Variants in GAA observed in about 807,000 individuals in gnomAD.
The protein encoded by GAA is alpha glucosidase.
A neutral mutation model predicts 103.9 loss-of-function variants in GAA; 88 were observed. The ratio of observed to expected loss-of-function variants is 0.85; its 90% CI spans 0.71 to 1.01. GAA has a LOEUF of 1.01. GAA is among the 50% of genes least tolerant of loss of function. The pLI, the probability that GAA is intolerant of heterozygous loss-of-function variation, is 0.00. For missense variants in GAA, 1,350 were observed against 1,305.3 expected (o/e 1.03, Z -0.53); for synonymous variants, 572 against 563.1 (o/e 1.02, Z -0.22).
At chr17:80,113,890 C>T (rs376814563) in intron 15 of GAA, among the ~76,000 whole-genome samples, 37 of 151,126 alleles carry the variant, frequency 2.4e-4, no homozygotes, top group Middle Eastern at 3.4e-3. Context: ...TGGTGGTGGG[C>T]GCCTGTAGTC....
intron 3 of GAA, among the ~76,000 whole-genome samples, chr17:80,107,349 TA>T (rs1180545825): frequency 1.3e-5 from 2 of 152,152 alleles, no homozygotes; most frequent in Non-Finnish European, 2.9e-5. Flanking sequence ...CCTCTTCTGA[TA>T]TGCCCTGAGA....
At chr17:80,116,162 C>T (rs1373697634) in intron 15 of GAA, among the ~76,000 whole-genome samples, 1 of 152,194 alleles carries the variant, frequency 6.6e-6, no homozygotes, top group Non-Finnish European at 1.5e-5. Context: ...AGCAGAAAGA[C>T]ACCATTTATT....
At chr17:80,118,103 G>T (rs1273666359) in intron 17 of GAA, 90 bp from the exon 18 acceptor site, 1 of 1,448,700 alleles carries the variant, frequency 6.9e-7, no homozygotes, top group Non-Finnish European at 9.5e-7. Context: ...TGGCAGCCTG[G>T]TGCTGTACCA....
At position 80,119,280 on chromosome 17, in the gene GAA, C is replaced by T. The variant is rs1800316; in HGVS notation, c.2808C>T (p.Asp936=). Reference sequence around the variant, plus strand: ...TGCTCTCTCTTTTCCAGGTCCTGGACATCTGTGTCTCGCTGTTGATGGGAG... The same window carrying T: ...TGCTCTCTCTTTTCCAGGTCCTGGATATCTGTGTCTCGCTGTTGATGGGAG... ...FTYSPDTKVL[D]ICVSLLMGEQ... Residue 936 remains aspartate, a synonymous_variant, in exon 20 of 20, where the codon GAC becomes GAT. Transcript: ENST00000302262. 1 of 1,613,922 alleles carries T rather than the reference C, an allele frequency of 6.2e-7. No homozygotes were observed. Among genetic ancestry groups the T allele is most frequent in the African/African-American group, 1.3e-5 (1 of 74,906 alleles).
rs550609502 is a variant in GAA at position 80,104,717 on chromosome 17, G to T, written c.131G>T (p.Gly44Val). The T allele has an allele frequency of 2.0e-4, 325 of 1,612,394 alleles. No homozygotes were observed. The highest frequency in any genetic ancestry group is 2.6e-4 in the Non-Finnish European group (306 of 1,179,778). ...CTGCTGGTTCCCCGAGAGCTGAGTG[G>T]CTCCTCCCCAGTCCTGGAGGAGACT... Reference protein sequence around the residue: ...DFLLVPRELSGSSPVLEETHP... With the variant: ...DFLLVPRELSVSSPVLEETHP... Residue 44 changes from glycine (G) to valine (V), a missense_variant, in exon 2 of 20, where the codon GGC becomes GTC. By Grantham distance (109) the Gly-to-Val change is moderately radical. Transcript: ENST00000302262. The surrounding 1 kb of genome is among the most constrained non-coding windows in gnomAD (Gnocchi z 4.0).
rs376743567 is a variant in GAA, at chr17:80,118,837, G to A, written c.2799+32G>A. On this transcript the variant is annotated intron_variant, in intron 19 of 19. Transcript: ENST00000302262. ...GGGCCCAGAGTGGCACAGGGATCGC[G>A]TCCCCCAGCCGTGGTGCAGGGGGCA... 3.0e-5 allele frequency: 48 copies of A among 1,610,788 alleles called. No individual in the cohort carries two copies. In the Middle Eastern group the frequency reaches 6.6e-4, roughly 22 times the overall value.
intron 3 of GAA, among the ~76,000 whole-genome samples, chr17:80,106,259 C>T (rs374083248): frequency 3.2e-4 from 48 of 152,286 alleles, no homozygotes; most frequent in African/African-American, 1.1e-3. Context: ...ACTGACCCTC[C>T]GTGCCGGGTG....
chr17:80,110,387 G>C (rs1052313853), intron 9 of GAA, among the ~76,000 whole-genome samples: 3 of 152,202 alleles, frequency 2.0e-5, no homozygotes, highest in Non-Finnish European at 4.4e-5. Flanking sequence ...AGCAGCTAGG[G>C]AGGGTCTGGT....
At chr17:80,105,155 C>T (rs771677375) in intron 2 of GAA, 23 bp downstream of exon 2, 16 of 1,591,154 alleles carry the variant, frequency 1.0e-5, no homozygotes, top group African/African-American at 1.3e-5. Context: ...GGGGCGGGGG[C>T]GGCGGCCAGG....
intron 6 of GAA, 23 bp downstream of exon 6, chr17:80,108,432 G>T (rs748030362): frequency 6.2e-7 from 1 of 1,613,054 alleles, no homozygotes; most frequent in South Asian, 1.1e-5. Context: ...CCCTGGCCGC[G>T]GCCCCCGCCC....
rs1240861466 is a variant in GAA, at chr17:80,112,054, A to T, written c.1708A>T (p.Asn570Tyr). 6.2e-7 allele frequency: 1 copy of T among 1,614,038 alleles called. No homozygotes were observed. The highest frequency in any genetic ancestry group is 1.7e-5 in the Admixed American group (1 of 60,024). ...CCACCAGTTTCTCTCCACACACTAC[A>T]ACCTGCACAACCTCTACGGCCTGAC... Reference protein sequence around the residue: ...SSHQFLSTHYNLHNLYGLTEA... With the variant: ...SSHQFLSTHYYLHNLYGLTEA... The change falls in exon 12 of 20, where the codon AAC (asparagine) becomes TAC (tyrosine). Residue 570 changes from asparagine to tyrosine, a missense_variant. Physicochemically the swap from Asn to Tyr is moderately radical, Grantham distance 143. Coordinates refer to ENST00000302262, the MANE Select transcript of GAA (RefSeq NM_000152.5).
At chr17:80,108,951 T>G (rs1416016755) in intron 8 of GAA, 123 bp downstream of exon 8, 2 of 1,279,822 alleles carry the variant, frequency 1.6e-6, no homozygotes, top group African/African-American at 3.0e-5. Flanking sequence ...AGGGTCTTTG[T>G]GATATCGAGG....
Position 80,118,191 on chromosome 17 carries a change from A to G in GAA, c.2482-2A>G, listed in dbSNP as rs756671283. ...TGACATCACGTGTCCTTCCCTTTCCAGGGCCCTGGCCTCACAACCACAGAG... is the reference window on the plus strand; with the variant it reads ...TGACATCACGTGTCCTTCCCTTTCCGGGGCCCTGGCCTCACAACCACAGAG... On this transcript the variant is annotated splice_acceptor_variant, in intron 17 of 19. Coordinates refer to ENST00000302262, the MANE Select transcript of GAA (RefSeq NM_000152.5). LOFTEE classifies it high-confidence loss of function. The G allele has an allele frequency of 1.9e-6, 3 of 1,612,772 alleles. No individual in the cohort carries two copies. Among genetic ancestry groups the G allele is most frequent in the South Asian group, 1.1e-5 (1 of 91,016 alleles).
rs376547092 is a variant in GAA at position 80,108,423 on chromosome 17, C to T, written c.1075+14C>T. On this transcript the variant is annotated intron_variant, in intron 6 of 19. Transcript: ENST00000302262. ...TGGACGTTGTGGGTAGGGCCTGCTCCCTGGCCGCGGCCCCCGCCCCAAGGC... is the reference window on the plus strand; with the variant it reads ...TGGACGTTGTGGGTAGGGCCTGCTCTCTGGCCGCGGCCCCCGCCCCAAGGC... 1 of 1,613,232 alleles carries T rather than the reference C, an allele frequency of 6.2e-7. No homozygotes were observed. Among genetic ancestry groups the T allele is most frequent in the African/African-American group, 1.3e-5 (1 of 75,056 alleles).
chr17:80,105,641 A>T, intron 2 of GAA, 108 bp from the exon 3 acceptor site: 2 of 1,330,552 alleles, frequency 1.5e-6, no homozygotes, highest in South Asian at 2.4e-5. Context: ...CCATGGTCCC[A>T]CATCCATGTG....
At position 80,104,516 on chromosome 17, in the gene GAA, CT is replaced by C. The variant is rs1408611020; in HGVS notation, c.-32-38del. On this transcript the variant is annotated intron_variant, in intron 1 of 19. Transcript: ENST00000302262. The surrounding 1 kb of genome is among the most constrained non-coding windows in gnomAD (Gnocchi z 4.0). Reference sequence around the variant, plus strand: ...TTTGAGAGCCCCGTGAGTGCCGCCCCTCCCGCCTCCCTGCTGAGCCCGCTTT... The same window carrying C: ...TTTGAGAGCCCCGTGAGTGCCGCCCCCCCGCCTCCCTGCTGAGCCCGCTTT... 5 of 1,464,478 alleles carry C rather than the reference CT, an allele frequency of 3.4e-6. No individual in the cohort carries two copies. The African/African-American group carries it at 6.9e-5, about 20-fold the overall frequency. 90.7% of individuals were successfully genotyped at this position (1,464,478 alleles called of 1,614,324 possible).
chr17:80,110,493 AC>A (rs772808418), intron 9 of GAA, among the ~76,000 whole-genome samples: 29 of 152,158 alleles, frequency 1.9e-4, no homozygotes, highest in Non-Finnish European at 3.8e-4. Context: ...CCCTGGGTGG[AC>A]GTGTTGGGGG....
intron 12 of GAA, 199 bp from the exon 13 acceptor site, chr17:80,112,379 T>C: frequency 1.4e-6 from 1 of 689,844 alleles, no homozygotes; most frequent in East Asian, 2.7e-5. Flanking sequence ...CTGGGGGGGG[T>C]CCTGGCTCAC....
Position 80,104,512 on chromosome 17 carries a change from G to T in GAA, c.-32-43G>T. On this transcript the variant is annotated intron_variant, in intron 1 of 19. Coordinates refer to ENST00000302262, the MANE Select transcript of GAA (RefSeq NM_000152.5). The surrounding 1 kb of genome is among the most constrained non-coding windows in gnomAD (Gnocchi z 4.0). ...CTGCTTTGAGAGCCCCGTGAGTGCCGCCCCTCCCGCCTCCCTGCTGAGCCC... is the reference window on the plus strand; with the variant it reads ...CTGCTTTGAGAGCCCCGTGAGTGCCTCCCCTCCCGCCTCCCTGCTGAGCCC... 2 of 1,418,306 alleles carry T rather than the reference G, an allele frequency of 1.4e-6. No individual in the cohort carries two copies. Among genetic ancestry groups the T allele is most frequent in the Admixed American group, 2.1e-5 (1 of 47,998 alleles). The allele number at this position is 1,418,306 out of a possible 1,614,324, so 87.9% of individuals were successfully genotyped here. A position where few individuals can be genotyped will look rare whatever the true frequency, so the allele number is the denominator to read the frequency against.
Sources: allele counts gnomAD v4.1 joint callset (sites outside exome capture counted in the v4.1 genomes callset), GRCh38; gene constraint gnomAD v4.1.1; non-coding constraint Gnocchi (gnomAD v3.1); transcripts MANE v1.5; gene names NCBI Gene and HGNC (gene_info 2026-07-23, HGNC 2026-07-21).